EVL: variants seen among roughly 807,000 people sequenced by gnomAD.
EVL encodes the protein Enah/Vasp-like, also known as ena/VASP-like protein.
In EVL, 21 loss-of-function variants were observed where a neutral mutation model predicts 59.6. The ratio of observed to expected loss-of-function variants is 0.35; its 90% CI spans 0.25 to 0.51. The LOEUF is 0.51. EVL is among the 20% of genes least tolerant of loss of function. EVL has a pLI of 0.97. For missense variants in EVL, 462 were observed against 546.6 expected (o/e 0.85, Z 1.54); for synonymous variants, 198 against 203.5 (o/e 0.97, Z 0.23).
At chr14:100,089,063 TAA>T (rs2062508044) in intron 2 of EVL, among the ~76,000 whole-genome samples, 1 of 152,248 alleles carries the variant, frequency 6.6e-6, no homozygotes, top group Admixed American at 6.5e-5. Flanking sequence ...CAGACCTTTT[TAA>T]TGCTAAAAGG....
In EVL at chr14:100,137,795, C is replaced by T. The variant is rs200694800; in HGVS notation, c.1087C>T (p.His363Tyr). 7 of 1,614,134 alleles carry T rather than the reference C, an allele frequency of 4.3e-6. No individual in the cohort carries two copies. The highest frequency in any genetic ancestry group is 5.9e-6 in the Non-Finnish European group (7 of 1,180,042). Residue 363 changes from histidine (H) to tyrosine (Y), a missense_variant, in exon 11 of 14, where the codon CAC becomes TAC. Coordinates refer to ENST00000392920, the MANE Select transcript of EVL (RefSeq NM_016337.3). ...EAKSPLQSQP[H>Y]SRMKPAGSVN... The stretch of plus-strand genomic sequence containing the variant: ...TAAGAGCCCCCTTCAGTCGCAGCCT[C>T]ACTCTAGGTACCGAACAACCCTCCT...
chr14:100,011,822 CAA>C (rs1041566509), intron 1 of EVL, among the ~76,000 whole-genome samples: 19 of 152,168 alleles, frequency 1.2e-4, no homozygotes, highest in Non-Finnish European at 2.5e-4. Context: ...TCAAATGACA[CAA>C]AGTGCAAAGG....
intron 1 of EVL, among the ~76,000 whole-genome samples, chr14:99,992,857 G>T (rs1156929333): frequency 1.3e-5 from 2 of 151,998 alleles, no homozygotes; most frequent in Admixed American, 1.3e-4. Flanking sequence ...TTATGTTGAG[G>T]TAGTTTCCTC....
rs879397373 is a variant in EVL at position 100,108,206 on chromosome 14, C to T, written c.358+10548C>T. 3.9e-5 allele frequency: 6 copies of T among 152,192 alleles called. No homozygotes were observed. Among genetic ancestry groups the T allele is most frequent in the South Asian group, 2.1e-4 (1 of 4,818 alleles). 9.4% of individuals were successfully genotyped at this position (152,192 alleles called of 1,614,324 possible). A position where few individuals can be genotyped will look rare whatever the true frequency, so the allele number is the denominator to read the frequency against. On this transcript the variant is annotated intron_variant, in intron 3 of 13. Coordinates refer to ENST00000392920, the MANE Select transcript of EVL (RefSeq NM_016337.3). This position sits in a 1 kb window ranked among gnomAD's most constrained non-coding sequence, Gnocchi z 4.1. ...AAAGGGACTTACAGGCAGACCTTCC[C>T]GGGAAGAGTCAGGCCCAGCTCCATG... is the stretch of plus-strand genomic sequence containing the variant.
chr14:100,142,715 A>G (rs1267630080), intron 13 of EVL, among the ~76,000 whole-genome samples: 3 of 152,212 alleles, frequency 2.0e-5, no homozygotes, highest in Non-Finnish European at 4.4e-5. Context: ...CTGTTTGTCC[A>G]GTTCCCCCAA....
intron 1 of EVL, among the ~76,000 whole-genome samples, chr14:100,075,975 G>C (rs905962233): frequency 1.2e-4 from 18 of 152,204 alleles, no homozygotes; most frequent in African/African-American, 3.4e-4. Context: ...CTCCTTCAGA[G>C]CTGAGCCATA....
intron 2 of EVL, among the ~76,000 whole-genome samples, chr14:100,087,710 A>G (rs971415236): frequency 6.6e-5 from 10 of 152,250 alleles, no homozygotes; most frequent in African/African-American, 2.4e-4. Flanking sequence ...GAGTAAATTA[A>G]TAGAGGTGGA....
chr14:100,102,080 C>A (rs150790098), intron 3 of EVL, among the ~76,000 whole-genome samples: 1 of 152,138 alleles, frequency 6.6e-6, no homozygotes. Context: ...TCAAGTGATC[C>A]GCCCACCTCA....
At chr14:100,017,356 T>C (rs1017985699) in intron 1 of EVL, among the ~76,000 whole-genome samples, 1 of 152,142 alleles carries the variant, frequency 6.6e-6, no homozygotes, top group Non-Finnish European at 1.5e-5. Flanking sequence ...GAGCCACCCA[T>C]TGAGCAGACA....
Position 100,128,710 on chromosome 14 carries a change from G to A in EVL, c.679G>A (p.Ala227Thr), listed in dbSNP as rs201550659. The A allele has an allele frequency of 1.4e-4, 231 of 1,605,146 alleles. No homozygotes were observed. The highest frequency in any genetic ancestry group is 1.8e-4 in the Non-Finnish European group (215 of 1,178,546). The change falls in exon 6 of 14, where the codon GCT becomes ACT. Residue 227 changes from alanine (A) to threonine (T), a missense_variant. Coordinates refer to ENST00000392920, the MANE Select transcript of EVL (RefSeq NM_016337.3). Reference protein sequence around the residue: ...HDESSMSGLAAAIAGAKLRRV... With the variant: ...HDESSMSGLATAIAGAKLRRV... ...CGAGAGCTCCATGTCAGGACTGGCC[G>A]CTGCCATAGCTGGGGCCAAGCTGAG... is the stretch of plus-strand genomic sequence containing the variant.
intron 1 of EVL, among the ~76,000 whole-genome samples, chr14:100,011,667 A>G (rs896488930): frequency 1.3e-5 from 2 of 152,200 alleles, no homozygotes; most frequent in African/African-American, 4.8e-5. Context: ...GACTAAATTG[A>G]CTATGATACT....
At chr14:100,103,188 G>T (rs57232853) in intron 3 of EVL, among the ~76,000 whole-genome samples, 42,489 of 134,480 alleles carry the variant, frequency 0.32, 10,898 homozygotes, top group African/African-American at 0.71. Flanking sequence ...TTCCCAGAGA[G>T]TTTTTTTTTT....
intron 1 of EVL, among the ~76,000 whole-genome samples, chr14:100,035,758 C>G (rs950330492): frequency 6.6e-6 from 1 of 152,128 alleles, no homozygotes; most frequent in Non-Finnish European, 1.5e-5. Flanking sequence ...TAGAAAGATA[C>G]GTGTTTTGCC....
intron 1 of EVL, among the ~76,000 whole-genome samples, chr14:100,050,366 T>A (rs200960737): frequency 0.032 from 4,919 of 151,892 alleles, 113 homozygotes; most frequent in Non-Finnish European, 0.045. Context: ...TATTTATTTT[T>A]TTTTAGACAG....
At chr14:100,078,541 A>G (rs2062216450) in intron 1 of EVL, among the ~76,000 whole-genome samples, 1 of 98,808 alleles carries the variant, frequency 1.0e-5, no homozygotes, top group Non-Finnish European at 1.9e-5. Flanking sequence ...GCCAGGGGCC[A>G]GGTTCCAATG....
At chr14:100,020,251 T>C (rs1223653630) in intron 1 of EVL, among the ~76,000 whole-genome samples, 1 of 152,206 alleles carries the variant, frequency 6.6e-6, no homozygotes, top group African/African-American at 2.4e-5. Flanking sequence ...TTTCGTATGC[T>C]TTTCAGCTGC....
At chr14:99,971,979 G>A (rs2060735972) in exon 1 of EVL, 1 of 137,466 alleles carries the variant, frequency 7.3e-6, no homozygotes, top group African/African-American at 3.1e-5. Context: ...TAGCGCCCGC[G>A]TCCCGCGCCC....
At chr14:100,141,839 A>C (rs758847170) in intron 13 of EVL, 46 bp downstream of exon 13, 1 of 1,588,310 alleles carries the variant, frequency 6.3e-7, no homozygotes, top group East Asian at 2.2e-5. Flanking sequence ...GTGTGGCCGC[A>C]GGACAAGGGT....
At chr14:100,102,061 C>A (rs370415922) in intron 3 of EVL, among the ~76,000 whole-genome samples, 1 of 152,216 alleles carries the variant, frequency 6.6e-6, no homozygotes, top group African/African-American at 2.4e-5. Context: ...CAGTCTCAAA[C>A]TCCTGACCTC....
Sources: allele counts gnomAD v4.1 joint callset (sites outside exome capture counted in the v4.1 genomes callset), GRCh38; gene constraint gnomAD v4.1.1; non-coding constraint Gnocchi (gnomAD v3.1); transcripts MANE v1.5; gene names NCBI Gene and HGNC (gene_info 2026-07-23, HGNC 2026-07-21).